The following IQUB variants were observed in gnomAD, a reference collection of about 807,000 sequenced individuals.
IQUB encodes IQ motif and ubiquitin domain containing.
Under a neutral mutation model 86.4 loss-of-function variants are expected in IQUB, and 86 were observed. The ratio of observed to expected loss-of-function variants is 1.00; its 90% CI spans 0.84 to 1.19. The LOEUF (loss-of-function observed/expected upper bound fraction) is 1.19, where lower values mean the gene tolerates loss of function less well. Among genes scored for constraint, IQUB ranks in the 50% most tolerant of loss-of-function variants. IQUB has a pLI of 0.00. For missense variants in IQUB, 946 were observed against 916.9 expected (o/e 1.03, Z -0.41); for synonymous variants, 289 against 304.5 (o/e 0.95, Z 0.53).
intron 7 of IQUB, among the ~76,000 whole-genome samples, chr7:123,480,955 G>T (rs1337363665): frequency 6.6e-6 from 1 of 152,004 alleles, no homozygotes; most frequent in Non-Finnish European, 1.5e-5. Flanking sequence ...ATTTTACCAA[G>T]TTTTCCATTT....
At chr7:123,523,147 A>C (rs1445365673) in intron 1 of IQUB, among the ~76,000 whole-genome samples, 1 of 151,972 alleles carries the variant, frequency 6.6e-6, no homozygotes, top group African/African-American at 2.4e-5. Flanking sequence ...TATTGTGAAT[A>C]ATGCTGCAAT....
intron 8 of IQUB, among the ~76,000 whole-genome samples, chr7:123,475,178 T>TC (rs1333456703): frequency 6.6e-6 from 1 of 152,110 alleles, no homozygotes; most frequent in Non-Finnish European, 1.5e-5. Flanking sequence ...CTTATCTAGT[T>TC]CCCTCTAGAA....
chr7:123,479,812 G>T lies in IQUB; in HGVS notation c.1393C>A (p.Gln465Lys). ...AYMANQEAAI[Q>K]AFLDKCSAPK... The stretch of plus-strand genomic sequence containing the variant: ...TCACTAACCTTATCCAAAAAAGCTT[G>T]TATTGCTGCTTCCTGATTTGCCATA... Residue 465 changes from glutamine to lysine, a missense_variant, in exon 8 of 13, where the codon CAA becomes AAA. Physicochemically the swap from Gln to Lys is moderately conservative, Grantham distance 53 (BLOSUM62 1). Transcript: ENST00000324698. 1.2e-6 allele frequency: 2 copies of T among 1,611,560 alleles called. No homozygotes were observed. The highest frequency in any genetic ancestry group is 1.7e-6 in the Non-Finnish European group (2 of 1,178,672).
At chr7:123,508,867 G>T (rs539498997) in intron 3 of IQUB, among the ~76,000 whole-genome samples, 18 of 152,216 alleles carry the variant, frequency 1.2e-4, no homozygotes, top group Admixed American at 7.2e-4. Context: ...GCTGCTGTGT[G>T]GATTAAATTA....
chr7:123,461,115 G>A (rs1395700870), intron 11 of IQUB, among the ~76,000 whole-genome samples: 3 of 151,598 alleles, frequency 2.0e-5, no homozygotes, highest in East Asian at 1.9e-4. Context: ...TTCTGTAAAA[G>A]TCATTCATTC....
chr7:123,501,859 C>A (rs1032700375), intron 6 of IQUB: 3 of 152,090 alleles, frequency 2.0e-5, no homozygotes, highest in Non-Finnish European at 4.4e-5. Flanking sequence ...TCCATATATT[C>A]CTTTATTTGG....
intron 10 of IQUB, chr7:123,462,777 C>A: frequency 2.2e-6 from 1 of 452,344 alleles, no homozygotes; most frequent in Non-Finnish European, 4.5e-6. Flanking sequence ...TAGCACACGT[C>A]TCCATTATAG....
In IQUB at chr7:123,491,728, T is replaced by C. The variant is rs140469107; in HGVS notation, c.1234+4968A>G. On this transcript the variant is annotated intron_variant, in intron 7 of 12. Coordinates refer to ENST00000324698, the MANE Select transcript of IQUB (RefSeq NM_178827.5). ...CAAAGAAAATTCCAGACCTAGTTGG[T>C]GTCACTGTTGAATTCCTAACATTTT... 1.9e-3 allele frequency among the ~76,000 whole-genome samples: 288 copies of C among 152,304 alleles called. 2 individuals carry two copies. The highest frequency in any genetic ancestry group is 6.6e-3 in the African/African-American group (275 of 41,576).
chr7:123,518,598 T>G (rs566045432), intron 1 of IQUB, among the ~76,000 whole-genome samples: 3 of 152,114 alleles, frequency 2.0e-5, no homozygotes, highest in African/African-American at 7.2e-5. Flanking sequence ...AGAAATGTGT[T>G]ACTACAAACA....
chr7:123,531,984 C>G (rs1368456132), intron 1 of IQUB, among the ~76,000 whole-genome samples: 1 of 152,186 alleles, frequency 6.6e-6, no homozygotes, highest in Non-Finnish European at 1.5e-5. Context: ...TCTATTCACG[C>G]TGGCAAAGCT....
At position 123,463,154 on chromosome 7, in the gene IQUB, T is replaced by C. The variant is rs78006570; in HGVS notation, c.1759-1549A>G. Among the ~76,000 whole-genome samples, 466 of 151,906 alleles carry C rather than the reference T, an allele frequency of 3.1e-3. 12 individuals carry two copies. Among genetic ancestry groups the C allele is most frequent in the Admixed American group, 0.023 (352 of 15,202 alleles). On this transcript the variant is annotated intron_variant, in intron 10 of 12. Transcript: ENST00000324698. Reference sequence around the variant, plus strand: ...ATTCAAGAACAAACTTTAAATACTTTATCTTAATTAATATATTTATCATAT... The same window carrying C: ...ATTCAAGAACAAACTTTAAATACTTCATCTTAATTAATATATTTATCATAT...
At chr7:123,528,757 A>C (rs1302749887) in intron 1 of IQUB, among the ~76,000 whole-genome samples, 1 of 152,228 alleles carries the variant, frequency 6.6e-6, no homozygotes, top group Middle Eastern at 3.2e-3. Flanking sequence ...TTATCAGAGA[A>C]TGTCTTTTAT....
chr7:123,487,356 AAAG>A (rs1440013209), intron 7 of IQUB, among the ~76,000 whole-genome samples: 1 of 152,214 alleles, frequency 6.6e-6, no homozygotes, highest in Non-Finnish European at 1.5e-5. Context: ...GGTCAATTTC[AAAG>A]ACTCATGGCA....
chr7:123,518,227 T>A (rs148726435), intron 1 of IQUB, among the ~76,000 whole-genome samples: 80 of 152,242 alleles, frequency 5.3e-4, no homozygotes, highest in African/African-American at 1.8e-3. Context: ...CTCAGTCTAC[T>A]TTTTTCTGCC....
chr7:123,452,739 T>A lies in IQUB; in HGVS notation c.*4A>T. ...CGATCATCAAACAAATACTCCTGGA[T>A]CACCTAATGAGGAGGCCTCTGGGAT... On this transcript the variant is annotated 3_prime_UTR_variant, in exon 13 of 13. Transcript: ENST00000324698. 1 of 1,605,168 alleles carries A rather than the reference T, an allele frequency of 6.2e-7. No individual in the cohort carries two copies. Among genetic ancestry groups the A allele is most frequent in the Non-Finnish European group, 8.5e-7 (1 of 1,173,904 alleles).
At chr7:123,522,749 A>T (rs939096005) in intron 1 of IQUB, among the ~76,000 whole-genome samples, 1 of 152,088 alleles carries the variant, frequency 6.6e-6, no homozygotes, top group African/African-American at 2.4e-5. Flanking sequence ...CATGTGCACA[A>T]TGTGCAGGTT....
In IQUB at chr7:123,496,840, G is replaced by T. The variant is rs1795727130; in HGVS notation, c.1090C>A (p.Gln364Lys). 1 of 1,612,184 alleles carries T rather than the reference G, an allele frequency of 6.2e-7. No individual in the cohort carries two copies. Among genetic ancestry groups the T allele is most frequent in the Non-Finnish European group, 8.5e-7 (1 of 1,179,144 alleles). The part of the protein sequence containing the change: ...AKIFVENLRR[Q>K]KSLRLEWETQ... ...TCCCATTCCAGTCTTAAGCTTTTCT[G>T]TCTTCTTAAATTCTCTACGAAGATT... Residue 364 changes from glutamine (Q) to lysine (K), a missense_variant, in exon 7 of 13, where the codon CAG becomes AAG. Physicochemically the swap from Gln to Lys is moderately conservative, Grantham distance 53. Coordinates refer to ENST00000324698, the MANE Select transcript of IQUB (RefSeq NM_178827.5).
At chr7:123,479,684 C>A in intron 8 of IQUB, 111 bp downstream of exon 8, 1 of 787,554 alleles carries the variant, frequency 1.3e-6, no homozygotes, top group Non-Finnish European at 2.0e-6. Context: ...CATCAAAATC[C>A]TAAACAAAAT....
intron 3 of IQUB, among the ~76,000 whole-genome samples, chr7:123,504,961 A>C (rs1280973949): frequency 2.6e-5 from 4 of 152,236 alleles, no homozygotes; most frequent in Non-Finnish European, 5.9e-5. Context: ...CAAGTTAGTT[A>C]CTTCCAAGAT....
Sources: allele counts gnomAD v4.1 joint callset (sites outside exome capture counted in the v4.1 genomes callset), GRCh38; gene constraint gnomAD v4.1.1; transcripts MANE v1.5; gene names NCBI Gene and HGNC (gene_info 2026-07-23, HGNC 2026-07-21).